The following MECOM variants were observed in gnomAD, a reference collection of about 807,000 sequenced individuals.
MECOM encodes the protein MDS1 and EVI1 complex locus, also known as histone-lysine N-methyltransferase MECOM.
A neutral mutation model predicts 116.3 loss-of-function variants in MECOM; 13 were observed. The observed-to-expected ratio is 0.11, with a 90% CI of 0.07 to 0.18. MECOM has a LOEUF of 0.18. MECOM is among the 10% of genes least tolerant of loss of function. MECOM has a pLI of 1.00. For missense variants in MECOM, 1,299 were observed against 1,509.0 expected, an observed-to-expected ratio of 0.86 and a Z score of 2.31; for synonymous variants, 528 against 535.2, an observed-to-expected ratio of 0.99 and a Z score of 0.19.
At chr3:169,120,123 T>A (rs1432876130) in intron 7 of MECOM, among the ~76,000 whole-genome samples, 1 of 152,318 alleles carries the variant, frequency 6.6e-6, no homozygotes, top group East Asian at 1.9e-4. Flanking sequence ...ACCAATTCTA[T>A]GTGTATCTGG....
chr3:169,468,068 A>AG (rs151274633), intron 1 of MECOM, among the ~76,000 whole-genome samples: 2 of 152,218 alleles, frequency 1.3e-5, no homozygotes, highest in Non-Finnish European at 2.9e-5. Context: ...TTGCGGTAAA[A>AG]GACAAACCTA....
At chr3:169,128,209 T>C (rs1733548240) in intron 4 of MECOM, 149 bp from the exon 5 acceptor site, 2 of 701,058 alleles carry the variant, frequency 2.9e-6, no homozygotes, top group South Asian at 1.8e-5. Context: ...AAATATCATA[T>C]GTAAAGAACC....
At chr3:169,226,988 C>T (rs1474553572) in intron 2 of MECOM, among the ~76,000 whole-genome samples, 1 of 152,102 alleles carries the variant, frequency 6.6e-6, no homozygotes, top group Non-Finnish European at 1.5e-5. Flanking sequence ...CTAACTTCAC[C>T]CATCTTTAGT....
intron 2 of MECOM, among the ~76,000 whole-genome samples, chr3:169,290,641 T>A (rs1167399859): frequency 1.3e-5 from 2 of 152,162 alleles, no homozygotes; most frequent in East Asian, 3.8e-4. Context: ...TCTTAAAAAC[T>A]GTTGGGTGAC....
At chr3:169,418,399 C>A (rs1578041030) in intron 1 of MECOM, among the ~76,000 whole-genome samples, 1 of 152,046 alleles carries the variant, frequency 6.6e-6, no homozygotes, top group Non-Finnish European at 1.5e-5. Context: ...ACTCATTTTA[C>A]GAGGCCAGCA....
intron 1 of MECOM, among the ~76,000 whole-genome samples, chr3:169,495,586 A>G (rs183699604): frequency 6.6e-6 from 1 of 152,334 alleles, no homozygotes; most frequent in African/African-American, 2.4e-5. Context: ...ACTATTCATA[A>G]CACCTCTAAG....
intron 1 of MECOM, among the ~76,000 whole-genome samples, chr3:169,645,976 T>TGTCTC (rs1165243081): frequency 6.6e-6 from 1 of 152,146 alleles, no homozygotes; most frequent in East Asian, 1.9e-4. Context: ...TGAAAGTCAC[T>TGTCTC]GTCTCTTCTC....
chr3:169,500,794 T>C (rs1186654391), intron 1 of MECOM, among the ~76,000 whole-genome samples: 1 of 151,994 alleles, frequency 6.6e-6, no homozygotes, highest in African/African-American at 2.4e-5. Flanking sequence ...CACCTACATG[T>C]ATAATATTAG....
At chr3:169,428,254 C>T (rs943577583) in intron 1 of MECOM, among the ~76,000 whole-genome samples, 8 of 152,192 alleles carry the variant, frequency 5.3e-5, no homozygotes, top group Non-Finnish European at 1.2e-4. Context: ...GGTCCCCAAC[C>T]TTTTGTAAAC....
At chr3:169,314,467 CCTG>C (rs1208532691) in intron 2 of MECOM, among the ~76,000 whole-genome samples, 4 of 152,208 alleles carry the variant, frequency 2.6e-5, no homozygotes, top group African/African-American at 9.7e-5. Context: ...ATCAATGTCA[CCTG>C]CTAACTAAAA....
chr3:169,421,693 A>G (rs1230036854), intron 1 of MECOM, among the ~76,000 whole-genome samples: 1 of 152,006 alleles, frequency 6.6e-6, no homozygotes, highest in African/African-American at 2.4e-5. Context: ...TTTTTAAAAA[A>G]AAAAAACAAA....
intron 1 of MECOM, among the ~76,000 whole-genome samples, chr3:169,578,581 T>G (rs768323273): frequency 3.3e-5 from 5 of 152,220 alleles, no homozygotes; most frequent in Non-Finnish European, 7.3e-5. Context: ...GATGAAAATC[T>G]TGACATCTAT....
At chr3:169,538,015 T>G (rs1759599058) in intron 1 of MECOM, among the ~76,000 whole-genome samples, 1 of 152,172 alleles carries the variant, frequency 6.6e-6, no homozygotes, top group South Asian at 2.1e-4. Flanking sequence ...TAATGATACC[T>G]GGGGTCCTAC....
chr3:169,472,665 A>AGGAGAGGAG (rs1749718343), intron 1 of MECOM, among the ~76,000 whole-genome samples: 2 of 74,658 alleles, frequency 2.7e-5, no homozygotes, highest in Admixed American at 2.7e-4. Context: ...AAAGAAAGGA[A>AGGAGAGGAG]AGGAAAGGAG....
At chr3:169,279,229 G>A (rs1438553866) in intron 2 of MECOM, among the ~76,000 whole-genome samples, 1 of 152,076 alleles carries the variant, frequency 6.6e-6, no homozygotes, top group Non-Finnish European at 1.5e-5. Flanking sequence ...TTGGTTTAGG[G>A]CTCCTGACCC....
intron 1 of MECOM, among the ~76,000 whole-genome samples, chr3:169,509,111 T>C (rs1350478593): frequency 6.6e-6 from 1 of 152,186 alleles, no homozygotes; most frequent in Non-Finnish European, 1.5e-5. Context: ...GGGCTTCATC[T>C]TCCCCAAAAG....
chr3:169,395,099 T>C (rs767873346), intron 1 of MECOM, among the ~76,000 whole-genome samples: 3 of 152,180 alleles, frequency 2.0e-5, no homozygotes, highest in Non-Finnish European at 4.4e-5. Context: ...CATAAATATT[T>C]GGTGAGTCAC....
intron 2 of MECOM, among the ~76,000 whole-genome samples, chr3:169,338,289 A>G (rs954989984): frequency 3.9e-5 from 6 of 152,254 alleles, no homozygotes; most frequent in South Asian, 2.1e-4. Flanking sequence ...CCGGATGCCT[A>G]ATAAACTGAG....
rs185621500 is a variant in MECOM at position 169,248,125 on chromosome 3, G to A, written c.376-104293C>T. 1.3e-4 allele frequency among the ~76,000 whole-genome samples: 20 copies of A among 152,318 alleles called. 1 individual carries two copies. In the East Asian group the frequency reaches 3.9e-3, roughly 29 times the overall value. ...TATGTTAACTATTTTTATTATGTAT[G>A]TATTTAGAAGTTTCAAGTAATTCTA... On this transcript the variant is annotated intron_variant, in intron 2 of 16. Coordinates refer to ENST00000651503, the MANE Select transcript of MECOM (RefSeq NM_004991.4).
Sources: allele counts gnomAD v4.1 joint callset (sites outside exome capture counted in the v4.1 genomes callset), GRCh38; gene constraint gnomAD v4.1.1; transcripts MANE v1.5; gene names NCBI Gene and HGNC (gene_info 2026-07-23, HGNC 2026-07-21).